Variants in TUB observed in about 807,000 individuals in gnomAD.
The protein encoded by TUB is TUB bipartite transcription factor.
Under a neutral mutation model 59.7 loss-of-function variants are expected in TUB, and 33 were observed. That is an observed-to-expected ratio of 0.55 (90% CI 0.42 to 0.74). TUB has a LOEUF of 0.74. Ranked by LOEUF, TUB falls within the 30% of genes least tolerant of loss-of-function variation. The pLI is 0.00. For synonymous variants in TUB, 293 were observed against 256.4 expected, an observed-to-expected ratio of 1.14 and a Z score of -1.36; for missense variants, 659 against 672.0, an observed-to-expected ratio of 0.98 and a Z score of 0.21.
At chr11:8,022,774 T>C (rs1942448398) in intron 1 of TUB, among the ~76,000 whole-genome samples, 2 of 151,910 alleles carry the variant, frequency 1.3e-5, no homozygotes, top group South Asian at 4.2e-4. Context: ...CCTGTAATCC[T>C]AGCTACTCGG....
At chr11:8,040,783 G>A (rs913459575) in intron 2 of TUB, among the ~76,000 whole-genome samples, 1 of 152,224 alleles carries the variant, frequency 6.6e-6, no homozygotes, top group African/African-American at 2.4e-5. Flanking sequence ...AATGAGGCTT[G>A]AGACTTCAGC....
At chr11:8,081,616 G>A (rs571043906) in intron 1 of TUB, 68 bp downstream of exon 1, 4 of 1,431,722 alleles carry the variant, frequency 2.8e-6, no homozygotes, top group Admixed American at 2.6e-5. Context: ...GGGGATACGC[G>A]GCCGGGGCGC....
chr11:8,065,666 G>T (rs939000742), intron 2 of TUB, among the ~76,000 whole-genome samples: 1 of 152,216 alleles, frequency 6.6e-6, no homozygotes, highest in Admixed American at 6.5e-5. Context: ...TCTAGACGAG[G>T]TGGAGGGTAA....
chr11:8,025,677 G>A (rs1354621088), intron 1 of TUB, among the ~76,000 whole-genome samples: 2 of 152,162 alleles, frequency 1.3e-5, no homozygotes, highest in East Asian at 1.9e-4. Flanking sequence ...TTTTATTGCT[G>A]AGTAGTATTC....
intron 9 of TUB, among the ~76,000 whole-genome samples, chr11:8,099,615 G>T (rs990724650): frequency 6.6e-6 from 1 of 152,148 alleles, no homozygotes; most frequent in African/African-American, 2.4e-5. Context: ...TACCTTTATG[G>T]GACTTAAAGC....
chr11:8,100,610 C>G lies in TUB; in HGVS notation c.1215+9C>G, dbSNP rs758796067. On this transcript the variant is annotated intron_variant, in intron 10 of 11. Coordinates refer to ENST00000299506, the MANE Select transcript of TUB (RefSeq NM_177972.3). ...CTATCCGCCCCCGCAACGTGAGTGT[C>G]TACCCCTTCCTCCCCTCTTTCCCCA... The G allele has an allele frequency of 6.2e-7, 1 of 1,611,140 alleles. No individual in the cohort carries two copies. Among genetic ancestry groups the G allele is most frequent in the Non-Finnish European group, 8.5e-7 (1 of 1,177,614 alleles).
At chr11:8,057,161 T>C (rs575415400) in intron 2 of TUB, among the ~76,000 whole-genome samples, 1 of 152,230 alleles carries the variant, frequency 6.6e-6, no homozygotes, top group African/African-American at 2.4e-5. Context: ...GTGACTCTCC[T>C]GGAACTGGCC....
chr11:8,076,897 C>T (rs1197980223), upstream of TUB: 11 of 152,068 alleles, frequency 7.2e-5, no homozygotes, highest in East Asian at 1.3e-3. Flanking sequence ...AGTGGTTGAC[C>T]TACATTTTTT....
chr11:8,082,541 G>T (rs1262998386), intron 1 of TUB, among the ~76,000 whole-genome samples: 2 of 152,202 alleles, frequency 1.3e-5, no homozygotes, highest in South Asian at 4.1e-4. Flanking sequence ...TGGAAAATGG[G>T]TGCTGGACTC....
Position 8,097,217 on chromosome 11 carries a change from C to T in TUB, c.688-11C>T. Reference sequence around the variant, plus strand: ...CCTTGGGGCTCAGGCACCTATTCTGCATCCCCATAGGAGGCAGCCTCAGCC... The same window carrying T: ...CCTTGGGGCTCAGGCACCTATTCTGTATCCCCATAGGAGGCAGCCTCAGCC... On this transcript the variant is annotated splice_polypyrimidine_tract_variant and intron_variant, in intron 6 of 11. Coordinates refer to ENST00000299506, the MANE Select transcript of TUB (RefSeq NM_177972.3). 2 of 1,613,756 alleles carry T rather than the reference C, an allele frequency of 1.2e-6. No individual in the cohort carries two copies. The highest frequency in any genetic ancestry group is 1.1e-5 in the South Asian group (1 of 91,056).
rs1228715163 is a variant in TUB at position 8,102,984 on chromosome 11, T to C, written c.*1365T>C. Reference sequence around the variant, plus strand: ...CTTAGAAGCATCAGAGTTGATAAATTAGATTGAAACCATTCCAGTAGGAAA... The same window carrying C: ...CTTAGAAGCATCAGAGTTGATAAATCAGATTGAAACCATTCCAGTAGGAAA... On this transcript the variant is annotated 3_prime_UTR_variant, in exon 12 of 12. Coordinates refer to ENST00000299506, the MANE Select transcript of TUB (RefSeq NM_177972.3). 1 of 152,254 alleles carries C rather than the reference T, an allele frequency of 6.6e-6. No individual in the cohort carries two copies. Among genetic ancestry groups the C allele is most frequent in the Non-Finnish European group, 1.5e-5 (1 of 68,058 alleles). 9.4% of individuals were successfully genotyped at this position (152,254 alleles called of 1,614,324 possible).
upstream of TUB, among the ~76,000 whole-genome samples, chr11:8,034,102 A>C (rs1942614086): frequency 6.6e-6 from 1 of 152,164 alleles, no homozygotes; most frequent in Admixed American, 6.6e-5. Flanking sequence ...ACCTGGCCCC[A>C]GCTCAGGCCA....
intron 3 of TUB, among the ~76,000 whole-genome samples, chr11:8,093,404 A>G (rs1212555718): frequency 3.9e-5 from 6 of 152,036 alleles, no homozygotes; most frequent in East Asian, 1.9e-4. Context: ...GGGAAGGGAG[A>G]GAATGTTGGT....
rs1449285124 is a variant in TUB at position 8,101,692 on chromosome 11, G to A, written c.*73G>A. ...CCTGCCTGCCTGTGGAGACAGCCCT[G>A]CCTATCCTCTGTATATAGGCCTTCC... is the stretch of plus-strand genomic sequence containing the variant. On this transcript the variant is annotated 3_prime_UTR_variant, in exon 12 of 12. Coordinates refer to ENST00000299506, the MANE Select transcript of TUB (RefSeq NM_177972.3). 6.4e-7 allele frequency: 1 copy of A among 1,572,726 alleles called. No homozygotes were observed. Among genetic ancestry groups the A allele is most frequent in the Non-Finnish European group, 8.6e-7 (1 of 1,160,416 alleles).
intron 1 of TUB, among the ~76,000 whole-genome samples, chr11:8,023,291 G>T (rs1942456612): frequency 6.6e-6 from 1 of 152,148 alleles, no homozygotes; most frequent in African/African-American, 2.4e-5. Context: ...ACATTTCAGG[G>T]GTGGGGAAAC....
intron 1 of TUB, among the ~76,000 whole-genome samples, chr11:8,028,052 C>T (rs1942523724): frequency 6.6e-6 from 1 of 152,180 alleles, no homozygotes; most frequent in South Asian, 2.1e-4. Flanking sequence ...TTTTACATTT[C>T]CACCAGCAAT....
At chr11:8,084,857 A>T (rs1943637026) in intron 1 of TUB, among the ~76,000 whole-genome samples, 2 of 152,210 alleles carry the variant, frequency 1.3e-5, no homozygotes, top group Admixed American at 1.3e-4. Context: ...TCACAGAAAG[A>T]GAATCTCAGA....
intron 2 of TUB, among the ~76,000 whole-genome samples, chr11:8,057,098 G>GA (rs1943032275): frequency 6.6e-6 from 1 of 152,046 alleles, no homozygotes; most frequent in Non-Finnish European, 1.5e-5. Flanking sequence ...CTGGGGAGGG[G>GA]ACTGGCCCTC....
chr11:8,087,392 C>G (rs898076335), intron 1 of TUB, among the ~76,000 whole-genome samples: 1 of 152,200 alleles, frequency 6.6e-6, no homozygotes, highest in Non-Finnish European at 1.5e-5. Context: ...GAGTGGCTTG[C>G]GACAACCTAG....
Sources: gnomAD v4.1 joint callset for allele counts (sites outside exome capture counted in the v4.1 genomes callset) on GRCh38, gnomAD v4.1.1 for gene constraint, MANE v1.5 for transcripts, NCBI Gene and HGNC (gene_info 2026-07-23, HGNC 2026-07-21) for gene names.